ADK: variants seen among roughly 807,000 people sequenced by gnomAD.
ADK encodes adenosine kinase, also known as N6,N6-dimethyladenosine kinase.
In ADK, 24 loss-of-function variants were observed where a neutral mutation model predicts 44.7. The ratio of observed to expected loss-of-function variants is 0.54; its 90% CI spans 0.39 to 0.76. ADK has a LOEUF of 0.76. Ranked by LOEUF, ADK falls within the 30% of genes least tolerant of loss-of-function variation. The pLI is 0.00. For missense variants in ADK, 321 were observed against 425.1 expected (o/e 0.76, Z 2.15); for synonymous variants, 128 against 142.6 (o/e 0.90, Z 0.73).
intron 6 of ADK, among the ~76,000 whole-genome samples, chr10:74,401,515 A>T (rs1843710489): frequency 6.7e-6 from 1 of 149,868 alleles, no homozygotes; most frequent in Non-Finnish European, 1.5e-5. Flanking sequence ...ATCTCTTTTG[A>T]TCTTTGTTGG....
At chr10:74,674,479 C>T (rs1855308395) in intron 10 of ADK, among the ~76,000 whole-genome samples, 1 of 151,490 alleles carries the variant, frequency 6.6e-6, no homozygotes, top group Non-Finnish European at 1.5e-5. Context: ...ACTAAAAATA[C>T]AGAAAATTAG....
intron 6 of ADK, among the ~76,000 whole-genome samples, chr10:74,443,520 T>G (rs1004370686): frequency 9.9e-5 from 15 of 152,140 alleles, no homozygotes; most frequent in African/African-American, 3.6e-4. Context: ...GAAGGTATAT[T>G]GGTGGTTGTC....
intron 6 of ADK, among the ~76,000 whole-genome samples, chr10:74,443,776 A>G (rs560611130): frequency 3.9e-5 from 6 of 152,292 alleles, no homozygotes; most frequent in African/African-American, 1.2e-4. Context: ...TGGCACACCT[A>G]ACAACAAAGC....
intron 3 of ADK, among the ~76,000 whole-genome samples, chr10:74,265,750 T>A (rs1198143742): frequency 6.6e-6 from 1 of 152,218 alleles, no homozygotes; most frequent in Non-Finnish European, 1.5e-5. Flanking sequence ...CCAATTTTTA[T>A]AAATTGGATT....
chr10:74,236,830 CTTAAT>C (rs1156665494), intron 3 of ADK, among the ~76,000 whole-genome samples: 1 of 151,928 alleles, frequency 6.6e-6, no homozygotes, highest in African/African-American at 2.4e-5. Flanking sequence ...ATGTATATGC[CTTAAT>C]TTAATGTAAT....
chr10:74,458,111 C>T (rs1846022006), intron 6 of ADK, among the ~76,000 whole-genome samples: 1 of 139,308 alleles, frequency 7.2e-6, no homozygotes, highest in Admixed American at 7.4e-5. Context: ...TTTTAATGTG[C>T]ATTAAAACTT....
chr10:74,385,615 C>A (rs1843115037), intron 4 of ADK, among the ~76,000 whole-genome samples: 1 of 152,122 alleles, frequency 6.6e-6, no homozygotes, highest in Non-Finnish European at 1.5e-5. Flanking sequence ...AATGAATATA[C>A]ACTAAAAATT....
At chr10:74,681,571 C>T (rs540319691) in intron 10 of ADK, among the ~76,000 whole-genome samples, 9 of 152,240 alleles carry the variant, frequency 5.9e-5, no homozygotes, top group Admixed American at 1.3e-4. Flanking sequence ...TAAGGCTGAG[C>T]GCAGCAGCTC....
At chr10:74,667,245 AAGG>A (rs1854992299) in intron 9 of ADK, among the ~76,000 whole-genome samples, 1 of 152,300 alleles carries the variant, frequency 6.6e-6, no homozygotes, top group African/African-American at 2.4e-5. Context: ...ATCATTTTGA[AAGG>A]AGTTCTTGTA....
intron 3 of ADK, among the ~76,000 whole-genome samples, chr10:74,265,977 A>G (rs930991759): frequency 2.6e-5 from 4 of 152,144 alleles, no homozygotes; most frequent in South Asian, 2.1e-4. Flanking sequence ...TCAAGGGCAT[A>G]CTAAATAGTT....
chr10:74,591,711 A>T (rs542992000), intron 8 of ADK, among the ~76,000 whole-genome samples: 2 of 152,324 alleles, frequency 1.3e-5, no homozygotes, highest in African/African-American at 4.8e-5. Flanking sequence ...ACTAGACAAA[A>T]ATCTGCATTT....
At chr10:74,162,406 C>T (rs1007949524) in intron 1 of ADK, among the ~76,000 whole-genome samples, 1 of 152,128 alleles carries the variant, frequency 6.6e-6, no homozygotes, top group African/African-American at 2.4e-5. Flanking sequence ...GAACTATTAC[C>T]TGAAAATACT....
chr10:74,611,626 A>T (rs1329221528), intron 9 of ADK, among the ~76,000 whole-genome samples: 6 of 151,900 alleles, frequency 3.9e-5, no homozygotes. Flanking sequence ...AATACCCAAT[A>T]GGTAGTTTTT....
intron 3 of ADK, among the ~76,000 whole-genome samples, chr10:74,310,291 A>C (rs924622395): frequency 2.0e-5 from 3 of 152,188 alleles, no homozygotes; most frequent in African/African-American, 7.2e-5. Flanking sequence ...ATAATATCAT[A>C]AACTCTTTCA....
At chr10:74,343,741 T>C (rs949370834) in intron 4 of ADK, among the ~76,000 whole-genome samples, 1 of 152,208 alleles carries the variant, frequency 6.6e-6, no homozygotes, top group Non-Finnish European at 1.5e-5. Flanking sequence ...CCTGAGTAGC[T>C]GGGATTTCAG....
Position 74,199,163 on chromosome 10 carries a change from T to C in ADK, c.66-1601T>C, listed in dbSNP as rs577262805. Among the ~76,000 whole-genome samples, 28 of 152,324 alleles carry C rather than the reference T, an allele frequency of 1.8e-4. No individual in the cohort carries two copies. The South Asian group carries it at 2.5e-3, about 14-fold the overall frequency. On this transcript the variant is annotated intron_variant, in intron 1 of 10. Transcript: ENST00000539909. Reference sequence around the variant, plus strand: ...TTTTGTGAAGGGTAGATAGGGCTCTTGCTTGTACTCTTCCAGGATGTGCCA... The same window carrying C: ...TTTTGTGAAGGGTAGATAGGGCTCTCGCTTGTACTCTTCCAGGATGTGCCA...
chr10:74,321,487 T>G (rs1315746073), intron 4 of ADK, among the ~76,000 whole-genome samples: 8 of 152,100 alleles, frequency 5.3e-5, no homozygotes, highest in African/African-American at 1.9e-4. Context: ...TTTTGCCATA[T>G]TAACCGGGCT....
At chr10:74,357,802 A>G (rs925006395) in intron 4 of ADK, among the ~76,000 whole-genome samples, 15 of 152,222 alleles carry the variant, frequency 9.9e-5, no homozygotes, top group African/African-American at 3.6e-4. Flanking sequence ...ATCAATGAGC[A>G]GTCTGAATAT....
At chr10:74,510,707 G>A (rs1451267818) in intron 6 of ADK, among the ~76,000 whole-genome samples, 2 of 151,950 alleles carry the variant, frequency 1.3e-5, no homozygotes, top group African/African-American at 4.8e-5. Flanking sequence ...CATATATTTA[G>A]TTCTTTGATC....
Sources: gnomAD v4.1 joint callset for allele counts (sites outside exome capture counted in the v4.1 genomes callset) on GRCh38, gnomAD v4.1.1 for gene constraint, MANE v1.5 for transcripts, NCBI Gene and HGNC (gene_info 2026-07-23, HGNC 2026-07-21) for gene names.